Variants in HMGN4 observed in about 807,000 individuals in gnomAD.
HMGN4 encodes high mobility group nucleosomal binding domain 4.
For missense variants in HMGN4, 69 were observed against 104.9 expected, an observed-to-expected ratio of 0.66 and a Z score of 1.49; for synonymous variants, 39 against 39.1, an observed-to-expected ratio of 1.00 and a Z score of 0.01.
Position 26,545,436 on chromosome 6 carries a change from C to T in HMGN4, c.230C>T (p.Thr77Ile), listed in dbSNP as rs1397717770. 6 of 1,593,872 alleles carry T rather than the reference C, an allele frequency of 3.8e-6. No homozygotes were observed. In the Admixed American group the frequency reaches 1.1e-4, roughly 29 times the overall value. Residue 77 changes from threonine to isoleucine, a missense_variant, in exon 2 of 2, where the codon ACA (threonine) becomes ATA (isoleucine). Coordinates refer to ENST00000377575, the MANE Select transcript of HMGN4 (RefSeq NM_006353.3). ...CCTGCAAAAAACCGAGATGCCTCTACACTCCAGTCCCAGAAAGCGGAAGGC... is the reference window on the plus strand; with the variant it reads ...CCTGCAAAAAACCGAGATGCCTCTATACTCCAGTCCCAGAAAGCGGAAGGC... Reference protein sequence around the residue: ...NNPAKNRDASTLQSQKAEGTG... With the variant: ...NNPAKNRDASILQSQKAEGTG...
At chr6:26,539,129 TTTG>T (rs1444772242) in intron 1 of HMGN4, among the ~76,000 whole-genome samples, 1 of 152,236 alleles carries the variant, frequency 6.6e-6, no homozygotes, top group Non-Finnish European at 1.5e-5. Flanking sequence ...ATGAGAAAGT[TTTG>T]TTGTGTCACC....
chr6:26,541,635 C>G (rs1764288973), intron 1 of HMGN4, among the ~76,000 whole-genome samples: 1 of 152,064 alleles, frequency 6.6e-6, no homozygotes, highest in Non-Finnish European at 1.5e-5. Flanking sequence ...CCCTATTTTG[C>G]TTTTTATTTC....
At chr6:26,544,404 G>A (rs1764324807) in intron 1 of HMGN4, among the ~76,000 whole-genome samples, 1 of 152,146 alleles carries the variant, frequency 6.6e-6, no homozygotes, top group African/African-American at 2.4e-5. Flanking sequence ...GAACCTACCT[G>A]TAATCTATTT....
chr6:26,542,165 AT>A lies in HMGN4; in HGVS notation c.-80-2955del, dbSNP rs967634502. On this transcript the variant is annotated intron_variant, in intron 1 of 1. Transcript: ENST00000377575. The surrounding 1 kb of genome is among the most constrained non-coding windows in gnomAD (Gnocchi z 4.6). The stretch of plus-strand genomic sequence containing the variant: ...ACTTTTATATTTTATCATTAACATT[AT>A]TTTTTTGAACTCTTAAAATGCGTAT... Among the ~76,000 whole-genome samples the A allele has an allele frequency of 2.6e-5, 4 of 152,010 alleles. No individual in the cohort carries two copies. The highest frequency in any genetic ancestry group is 2.1e-4 in the South Asian group (1 of 4,816).
At chr6:26,540,226 T>C (rs898511714) in intron 1 of HMGN4, among the ~76,000 whole-genome samples, 2 of 152,244 alleles carry the variant, frequency 1.3e-5, no homozygotes, top group South Asian at 4.1e-4. Context: ...AAACTCATGC[T>C]GCGTCTCTAA....
intron 1 of HMGN4, among the ~76,000 whole-genome samples, chr6:26,544,272 A>T (rs932824872): frequency 6.6e-6 from 1 of 152,070 alleles, no homozygotes; most frequent in African/African-American, 2.4e-5. Context: ...AAGTTTTACT[A>T]TATGTTTGTG....
intron 1 of HMGN4, among the ~76,000 whole-genome samples, chr6:26,539,634 TAAAA>T (rs61003052): frequency 1.1e-4 from 14 of 125,178 alleles, no homozygotes; most frequent in African/African-American, 2.4e-4. Flanking sequence ...TCCGCAAAAT[TAAAA>T]AAAAAAAAAA....
In HMGN4 at chr6:26,542,187, C is replaced by T. The variant is rs1347475334; in HGVS notation, c.-80-2940C>T. On this transcript the variant is annotated intron_variant, in intron 1 of 1. Coordinates refer to ENST00000377575, the MANE Select transcript of HMGN4 (RefSeq NM_006353.3). This position sits in a 1 kb window ranked among gnomAD's most constrained non-coding sequence, Gnocchi z 4.6. ...ATTATTTTTTTGAACTCTTAAAATG[C>T]GTATTTTTTTTTTACATTAATAGAC... is the stretch of plus-strand genomic sequence containing the variant. Among the ~76,000 whole-genome samples the T allele has an allele frequency of 6.6e-6, 1 of 150,804 alleles. No individual in the cohort carries two copies. Among genetic ancestry groups the T allele is most frequent in the East Asian group, 1.9e-4 (1 of 5,188 alleles).
In HMGN4 at chr6:26,542,746, G is replaced by A. The variant is rs1034237255; in HGVS notation, c.-80-2381G>A. Among the ~76,000 whole-genome samples the A allele has an allele frequency of 5.9e-5, 9 of 152,132 alleles. No individual in the cohort carries two copies. Among genetic ancestry groups the A allele is most frequent in the Admixed American group, 2.0e-4 (3 of 15,274 alleles). Reference sequence around the variant, plus strand: ...AAGGTGAGTTTCAAGAATTAAATCCGTATTTATATACTCAGATACAGCATC... The same window carrying A: ...AAGGTGAGTTTCAAGAATTAAATCCATATTTATATACTCAGATACAGCATC... On this transcript the variant is annotated intron_variant, in intron 1 of 1. Transcript: ENST00000377575. The surrounding 1 kb of genome is among the most constrained non-coding windows in gnomAD (Gnocchi z 4.6).
At position 26,545,574 on chromosome 6, in the gene HMGN4, C is replaced by A; in HGVS notation, c.*95C>A. ...GTTTTATAAAAGTGTAGAATTTTGGCTTTTTTAAGTTATGTTGTTAGCACA... is the reference window on the plus strand; with the variant it reads ...GTTTTATAAAAGTGTAGAATTTTGGATTTTTTAAGTTATGTTGTTAGCACA... On this transcript the variant is annotated 3_prime_UTR_variant, in exon 2 of 2. Coordinates refer to ENST00000377575, the MANE Select transcript of HMGN4 (RefSeq NM_006353.3). 1 of 1,280,708 alleles carries A rather than the reference C, an allele frequency of 7.8e-7. No homozygotes were observed. The highest frequency in any genetic ancestry group is 1.1e-6 in the Non-Finnish European group (1 of 949,334). 79.3% of individuals were successfully genotyped at this position (1,280,708 alleles called of 1,614,324 possible). A position where few individuals can be genotyped will look rare whatever the true frequency, so the allele number is the denominator to read the frequency against.
At position 26,545,532 on chromosome 6, in the gene HMGN4, C is replaced by G; in HGVS notation, c.*53C>G. 6.9e-7 allele frequency: 1 copy of G among 1,446,232 alleles called. No homozygotes were observed. Among genetic ancestry groups the G allele is most frequent in the Non-Finnish European group, 9.2e-7 (1 of 1,087,848 alleles). 89.6% of individuals were successfully genotyped at this position (1,446,232 alleles called of 1,614,324 possible). A position where few individuals can be genotyped will look rare whatever the true frequency, so the allele number is the denominator to read the frequency against. On this transcript the variant is annotated 3_prime_UTR_variant, in exon 2 of 2. Coordinates refer to ENST00000377575, the MANE Select transcript of HMGN4 (RefSeq NM_006353.3). ...TATAGTGACTCTACTGTTTGAAATA[C>G]TATTTTTTTAAATCAAGTTTTATAA...
At chr6:26,538,562 C>CCCG (rs749039915) in intron 1 of HMGN4, 61 bp downstream of exon 1, 1 of 150,434 alleles carries the variant, frequency 6.6e-6, no homozygotes, top group Non-Finnish European at 1.5e-5. Context: ...TGGGGGGGGT[C>CCCG]CCGCCGCCCT....
Position 26,545,394 on chromosome 6 carries a change from G to GA in HMGN4, c.191dup (p.Asp65GlyfsTer38). ...GGGAGAAAGGGGAAAGCAGATGCTG[G>GA]AAAGGATGGGAACAACCCTGCAAAA... On this transcript the variant is annotated frameshift_variant, in exon 2 of 2. Transcript: ENST00000377575. LOFTEE classifies it low-confidence loss of function (END_TRUNC). The GA allele has an allele frequency of 6.2e-7, 1 of 1,613,848 alleles. No homozygotes were observed. The highest frequency in any genetic ancestry group is 8.5e-7 in the Non-Finnish European group (1 of 1,179,946).
At position 26,545,538 on chromosome 6, in the gene HMGN4, T is replaced by C. The variant is rs1467737009; in HGVS notation, c.*59T>C. On this transcript the variant is annotated 3_prime_UTR_variant, in exon 2 of 2. Transcript: ENST00000377575. ...GACTCTACTGTTTGAAATACTATTT[T>C]TTTAAATCAAGTTTTATAAAAGTGT... 1 of 1,441,420 alleles carries C rather than the reference T, an allele frequency of 6.9e-7. No individual in the cohort carries two copies. The highest frequency in any genetic ancestry group is 9.2e-7 in the Non-Finnish European group (1 of 1,083,116). 89.3% of individuals were successfully genotyped at this position (1,441,420 alleles called of 1,614,324 possible).
chr6:26,544,479 A>T (rs191600332), intron 1 of HMGN4, among the ~76,000 whole-genome samples: 1 of 152,300 alleles, frequency 6.6e-6, no homozygotes, highest in East Asian at 1.9e-4. Flanking sequence ...CCCTTCTACT[A>T]TTGAAGGACA....
Position 26,545,234 on chromosome 6 carries a change from G to A in HMGN4, c.28G>A (p.Ala10Thr). Residue 10 changes from alanine (A) to threonine (T), a missense_variant, in exon 2 of 2, where the codon GCT (alanine) becomes ACT (threonine). By Grantham distance (58) the Ala-to-Thr change is moderately conservative. Coordinates refer to ENST00000377575, the MANE Select transcript of HMGN4 (RefSeq NM_006353.3). MPKRKAKGD[A>T]KGDKAKVKDE... The stretch of plus-strand genomic sequence containing the variant: ...GCCCAAGAGAAAGGCAAAAGGAGAT[G>A]CTAAAGGTGATAAAGCAAAGGTGAA... The A allele has an allele frequency of 6.2e-7, 1 of 1,613,400 alleles. No homozygotes were observed. Among genetic ancestry groups the A allele is most frequent in the Non-Finnish European group, 8.5e-7 (1 of 1,179,744 alleles).
In HMGN4 at chr6:26,538,650, T is replaced by C. The variant is rs1440923631; in HGVS notation, c.-81+149T>C. ...TGGGCCCCGTCAGCCCCGCCTGTCT[T>C]CCCGTCTCCAGAGTAATCGCAGCAT... On this transcript the variant is annotated intron_variant, in intron 1 of 1. Transcript: ENST00000377575. 3 of 154,280 alleles carry C rather than the reference T, an allele frequency of 1.9e-5. 1 individual carries two copies. Among genetic ancestry groups the C allele is most frequent in the African/African-American group, 4.8e-5 (2 of 41,440 alleles). The allele number at this position is 154,280 out of a possible 1,614,324, so 9.6% of individuals were successfully genotyped here.
At chr6:26,543,422 T>C (rs1473594505) in intron 1 of HMGN4, among the ~76,000 whole-genome samples, 2 of 63,860 alleles carry the variant, frequency 3.1e-5, no homozygotes, top group Non-Finnish European at 6.1e-5. Flanking sequence ...CACCATTACC[T>C]TTTTTTTTTT....
In HMGN4 at chr6:26,545,900, CT is replaced by C. The variant is rs1764345015; in HGVS notation, c.*422del. 1 of 167,356 alleles carries C rather than the reference CT, an allele frequency of 6.0e-6. No homozygotes were observed. Among genetic ancestry groups the C allele is most frequent in the South Asian group, 2.1e-4 (1 of 4,832 alleles). The allele number at this position is 167,356 out of a possible 1,614,324, so 10.4% of individuals were successfully genotyped here. On this transcript the variant is annotated 3_prime_UTR_variant, in exon 2 of 2. Transcript: ENST00000377575. ...GTGGCCTTGGCAACCCTAAAATCAG[CT>C]GTGTTAGGTAACAAAACTCAGGCTT...
Sources: allele counts gnomAD v4.1 joint callset (sites outside exome capture counted in the v4.1 genomes callset), GRCh38; gene constraint gnomAD v4.1.1; non-coding constraint Gnocchi (gnomAD v3.1); transcripts MANE v1.5; gene names NCBI Gene and HGNC (gene_info 2026-07-23, HGNC 2026-07-21).